Variants in NALCN observed in about 807,000 individuals in gnomAD.
NALCN encodes sodium leak channel, non-selective.
A neutral mutation model predicts 225.3 loss-of-function variants in NALCN; 111 were observed. The ratio of observed to expected loss-of-function variants is 0.49; its 90% CI spans 0.42 to 0.58. The LOEUF (loss-of-function observed/expected upper bound fraction) is 0.58. Among genes scored for constraint, NALCN ranks in the 20% least tolerant of loss-of-function variants. The probability of loss-of-function intolerance (pLI) is 0.00; values close to 1 mark genes in which losing one functional copy is unlikely to be tolerated. For missense variants in NALCN, 1,378 were observed against 2,202.4 expected (o/e 0.63, Z 7.49); for synonymous variants, 764 against 769.0 (o/e 0.99, Z 0.11).
chr13:101,400,379 C>T (rs575505370), intron 1 of NALCN, among the ~76,000 whole-genome samples: 1 of 152,028 alleles, frequency 6.6e-6, no homozygotes, highest in East Asian at 1.9e-4. Context: ...AAGAGCGCTT[C>T]AGGCAAAAAA....
Position 101,059,986 on chromosome 13 carries a change from T to G in NALCN, c.4756-19A>C. The G allele has an allele frequency of 1.2e-6, 2 of 1,613,188 alleles. No homozygotes were observed. Among genetic ancestry groups the G allele is most frequent in the Non-Finnish European group, 1.7e-6 (2 of 1,179,498 alleles). ...GCTGTTTCTATGGAAATGCGATTGT[T>G]TGTTCAGTAAAATAAGCCCAGCATC... is the stretch of plus-strand genomic sequence containing the variant. On this transcript the variant is annotated intron_variant, in intron 41 of 43. Coordinates refer to ENST00000251127, the MANE Select transcript of NALCN (RefSeq NM_052867.4).
chr13:101,164,562 T>A (rs1314269377), intron 15 of NALCN, among the ~76,000 whole-genome samples: 1 of 152,136 alleles, frequency 6.6e-6, no homozygotes, highest in Non-Finnish European at 1.5e-5. Context: ...TATTTCTACT[T>A]TTTGAATGAC....
chr13:101,170,876 C>A (rs1287988230), intron 15 of NALCN, among the ~76,000 whole-genome samples: 2 of 152,128 alleles, frequency 1.3e-5, no homozygotes, highest in Non-Finnish European at 2.9e-5. Flanking sequence ...TCCCTCAAAG[C>A]TTAATGAATT....
chr13:101,312,355 T>C (rs1229484894), intron 7 of NALCN, among the ~76,000 whole-genome samples: 1 of 152,196 alleles, frequency 6.6e-6, no homozygotes, highest in African/African-American at 2.4e-5. Context: ...TGTGTCTCTA[T>C]TTCCTTCAGT....
intron 11 of NALCN, among the ~76,000 whole-genome samples, chr13:101,246,506 C>T (rs1028347939): frequency 6.6e-6 from 1 of 152,134 alleles, no homozygotes; most frequent in Admixed American, 6.5e-5. Flanking sequence ...CTGTAAATCA[C>T]CTACTCTTAG....
intron 1 of NALCN, among the ~76,000 whole-genome samples, chr13:101,407,263 T>C (rs544999590): frequency 6.6e-6 from 1 of 152,324 alleles, no homozygotes; most frequent in East Asian, 1.9e-4. Context: ...AATCATAATA[T>C]GTTGGAATAT....
intron 6 of NALCN, among the ~76,000 whole-genome samples, 160 bp from the exon 7 acceptor site, chr13:101,345,580 C>A (rs1056723141): frequency 6.0e-5 from 9 of 151,138 alleles, no homozygotes; most frequent in African/African-American, 1.9e-4. Context: ...CAGGAGAATC[C>A]CTTGAGCCCA....
intron 1 of NALCN, among the ~76,000 whole-genome samples, chr13:101,403,083 C>T (rs2047521790): frequency 6.6e-6 from 1 of 152,182 alleles, no homozygotes; most frequent in Non-Finnish European, 1.5e-5. Flanking sequence ...CTTCCAAACA[C>T]ACTGTAGGTC....
intron 17 of NALCN, among the ~76,000 whole-genome samples, chr13:101,135,050 C>G (rs2036707788): frequency 6.6e-6 from 1 of 152,020 alleles, no homozygotes; most frequent in African/African-American, 2.4e-5. Flanking sequence ...AAAAAATTAG[C>G]CGGGCGTGGT....
At chr13:101,057,690 A>T in intron 43 of NALCN, 1 of 494,912 alleles carries the variant, frequency 2.0e-6, no homozygotes. Context: ...TGTCTTTTTC[A>T]TAGGTGCTGG....
chr13:101,252,794 G>T (rs2042100549), intron 11 of NALCN, among the ~76,000 whole-genome samples: 1 of 152,076 alleles, frequency 6.6e-6, no homozygotes, highest in Admixed American at 6.6e-5. Flanking sequence ...TAATGCTAGG[G>T]GGTGACACAG....
intron 11 of NALCN, among the ~76,000 whole-genome samples, chr13:101,252,701 T>G (rs542117478): frequency 6.6e-6 from 1 of 152,250 alleles, no homozygotes; most frequent in South Asian, 2.1e-4. Flanking sequence ...CTGTCCTCAT[T>G]AATACTTAAC....
chr13:101,183,709 C>T (rs1289074380), intron 14 of NALCN, among the ~76,000 whole-genome samples: 1 of 152,144 alleles, frequency 6.6e-6, no homozygotes. Context: ...ATCCACCCGC[C>T]TCGGCCTCCC....
At chr13:101,056,037 C>G (rs1174917514) in intron 43 of NALCN, among the ~76,000 whole-genome samples, 1 of 152,074 alleles carries the variant, frequency 6.6e-6, no homozygotes, top group Non-Finnish European at 1.5e-5. Flanking sequence ...TGAAAATGTC[C>G]TAATTAGACT....
At chr13:101,152,716 TAAAG>T (rs916731016) in intron 15 of NALCN, among the ~76,000 whole-genome samples, 2 of 152,202 alleles carry the variant, frequency 1.3e-5, no homozygotes, top group African/African-American at 4.8e-5. Flanking sequence ...TGGTGATGAA[TAAAG>T]ATTGATTTTG....
At chr13:101,376,620 A>G in intron 6 of NALCN, 80 bp downstream of exon 6, 1 of 1,465,252 alleles carries the variant, frequency 6.8e-7, no homozygotes, top group Non-Finnish European at 9.2e-7. Context: ...AAAATCTGAC[A>G]TAGAGGTTAT....
At position 101,191,725 on chromosome 13, in the gene NALCN, A is replaced by G. The variant is rs1335499695; in HGVS notation, c.1764+192T>C. ...AACACTGGTACCTGATGGAGAAAATATCTAACTTAACAAATCAAGCAGTTC... is the reference window on the plus strand; with the variant it reads ...AACACTGGTACCTGATGGAGAAAATGTCTAACTTAACAAATCAAGCAGTTC... On this transcript the variant is annotated intron_variant, in intron 14 of 43. Transcript: ENST00000251127. Among the ~76,000 whole-genome samples, 3 of 152,330 alleles carry G rather than the reference A, an allele frequency of 2.0e-5. No individual in the cohort carries two copies. The East Asian group carries it at 5.8e-4, about 29-fold the overall frequency.
intron 15 of NALCN, among the ~76,000 whole-genome samples, chr13:101,162,422 A>C (rs926786965): frequency 3.9e-5 from 6 of 152,210 alleles, no homozygotes; most frequent in Admixed American, 1.3e-4. Flanking sequence ...TACTTGAAAA[A>C]AGATCCAAAC....
chr13:101,128,377 C>T (rs2139717093), intron 17 of NALCN, among the ~76,000 whole-genome samples: 1 of 152,298 alleles, frequency 6.6e-6, no homozygotes, highest in East Asian at 1.9e-4. Context: ...AATTCAAAAG[C>T]TTCAACTCAA....
Sources: allele counts gnomAD v4.1 joint callset (sites outside exome capture counted in the v4.1 genomes callset), GRCh38; gene constraint gnomAD v4.1.1; transcripts MANE v1.5; gene names NCBI Gene and HGNC (gene_info 2026-07-23, HGNC 2026-07-21).